Variants in DCC observed in about 807,000 individuals in gnomAD.
DCC encodes DCC netrin 1 receptor.
Under a neutral mutation model 172.5 loss-of-function variants are expected in DCC, and 58 were observed. The ratio of observed to expected loss-of-function variants is 0.34; its 90% CI spans 0.27 to 0.42. The LOEUF is 0.42. Among genes scored for constraint, DCC ranks in the 10% least tolerant of loss-of-function variants. DCC has a pLI of 1.00. For missense variants in DCC, 1,740 were observed against 1,791.0 expected (o/e 0.97, Z 0.51); for synonymous variants, 709 against 644.5 (o/e 1.10, Z -1.52).
Position 52,826,535 on chromosome 18 carries a change from C to T in DCC, c.412+74161C>T, listed in dbSNP as rs115201657. On this transcript the variant is annotated intron_variant, in intron 2 of 28. Coordinates refer to ENST00000442544, the MANE Select transcript of DCC (RefSeq NM_005215.4). ...CCCTTTGAAGGAAGGGGCTGGAGTGCAGTAGTGGGATCTCAGCTCACTGCA... is the reference window on the plus strand; with the variant it reads ...CCCTTTGAAGGAAGGGGCTGGAGTGTAGTAGTGGGATCTCAGCTCACTGCA... 3.4e-3 allele frequency among the ~76,000 whole-genome samples: 516 copies of T among 152,096 alleles called. 1 individual carries two copies. The highest frequency in any genetic ancestry group is 0.011 in the African/African-American group (465 of 41,480).
intron 1 of DCC, among the ~76,000 whole-genome samples, chr18:52,550,046 A>G (rs987782106): frequency 1.3e-5 from 2 of 152,054 alleles, no homozygotes; most frequent in Admixed American, 1.3e-4. Flanking sequence ...CCAAGTGTTC[A>G]AGGTGGATAT....
chr18:53,382,083 C>CAA (rs1907794902), intron 15 of DCC, among the ~76,000 whole-genome samples: 1 of 115,666 alleles, frequency 8.6e-6, no homozygotes, highest in Non-Finnish European at 2.2e-5. Flanking sequence ...CACACACACA[C>CAA]ACACACACAC....
chr18:53,240,041 A>AC (rs1459853977), intron 12 of DCC, among the ~76,000 whole-genome samples: 3 of 141,270 alleles, frequency 2.1e-5, no homozygotes, highest in South Asian at 2.5e-4. Context: ...AAAAAAAAAA[A>AC]AAAAAAAAAC....
intron 1 of DCC, among the ~76,000 whole-genome samples, chr18:52,610,176 AAAATATATATATATATATATAT>A (rs1176519103): frequency 0.011 from 140 of 12,420 alleles, 2 homozygotes; most frequent in South Asian, 0.028. Flanking sequence ...AAAAAAAAAA[AAAATATATATATATATATATAT>A]ATATATATAT....
chr18:52,375,019 C>T (rs914410428), intron 1 of DCC, among the ~76,000 whole-genome samples: 9 of 152,224 alleles, frequency 5.9e-5, no homozygotes, highest in Admixed American at 2.0e-4. Flanking sequence ...CTCGATTTAA[C>T]AATCTGATAC....
At chr18:53,099,186 C>T (rs561209871) in intron 7 of DCC, among the ~76,000 whole-genome samples, 1 of 152,098 alleles carries the variant, frequency 6.6e-6, no homozygotes, top group African/African-American at 2.4e-5. Context: ...TCCTATAGTT[C>T]CTTCCATTTG....
intron 7 of DCC, among the ~76,000 whole-genome samples, chr18:53,094,191 G>A (rs1380281607): frequency 6.6e-6 from 1 of 152,128 alleles, no homozygotes; most frequent in Non-Finnish European, 1.5e-5. Context: ...ATCCATTTGT[G>A]TTATATGATG....
intron 5 of DCC, among the ~76,000 whole-genome samples, chr18:53,013,175 G>A (rs566084427): frequency 1.3e-5 from 2 of 152,190 alleles, no homozygotes; most frequent in African/African-American, 4.8e-5. Flanking sequence ...ATTCCTCGAG[G>A]ATCTAGAACC....
intron 23 of DCC, among the ~76,000 whole-genome samples, chr18:53,451,333 A>G (rs1236699632): frequency 6.6e-6 from 1 of 152,222 alleles, no homozygotes; most frequent in Non-Finnish European, 1.5e-5. Flanking sequence ...TTAAAATGGA[A>G]AAGTGATTTT....
At chr18:52,457,976 G>A (rs148287660) in intron 1 of DCC, among the ~76,000 whole-genome samples, 1 of 152,182 alleles carries the variant, frequency 6.6e-6, no homozygotes, top group East Asian at 1.9e-4. Flanking sequence ...GGTCTGTCCT[G>A]GCTCCAAAAG....
chr18:53,344,220 T>C (rs542690570), intron 15 of DCC, among the ~76,000 whole-genome samples: 1 of 152,176 alleles, frequency 6.6e-6, no homozygotes, highest in South Asian at 2.1e-4. Context: ...CTTTATAATG[T>C]ATACATCCAT....
chr18:53,363,451 A>T (rs1020102531), intron 15 of DCC, among the ~76,000 whole-genome samples: 1 of 152,216 alleles, frequency 6.6e-6, no homozygotes, highest in Non-Finnish European at 1.5e-5. Context: ...AAGATAATAT[A>T]TTCTTACAGT....
At chr18:53,219,460 C>T (rs1030893618) in intron 12 of DCC, among the ~76,000 whole-genome samples, 3 of 152,178 alleles carry the variant, frequency 2.0e-5, no homozygotes, top group South Asian at 4.1e-4. Context: ...ACTCCCCTTT[C>T]CCCCCAAAAC....
chr18:53,520,814 G>T (rs920739530), intron 27 of DCC, among the ~76,000 whole-genome samples: 1 of 152,026 alleles, frequency 6.6e-6, no homozygotes, highest in African/African-American at 2.4e-5. Flanking sequence ...GACCACGGTT[G>T]CCTAATTAGT....
intron 5 of DCC, among the ~76,000 whole-genome samples, chr18:52,977,270 G>C (rs1381931187): frequency 6.6e-6 from 1 of 152,052 alleles, no homozygotes; most frequent in Non-Finnish European, 1.5e-5. Flanking sequence ...CTAGAACAGT[G>C]GTCTTCAGTC....
chr18:53,475,404 G>A (rs917926734), intron 25 of DCC, among the ~76,000 whole-genome samples: 5 of 152,200 alleles, frequency 3.3e-5, no homozygotes, highest in African/African-American at 1.2e-4. Context: ...AGGAAAAAGT[G>A]GTTCCATGGA....
chr18:53,451,146 G>A (rs927465522), intron 23 of DCC, among the ~76,000 whole-genome samples: 4 of 152,170 alleles, frequency 2.6e-5, no homozygotes, highest in African/African-American at 9.7e-5. Flanking sequence ...CAATCCTGTT[G>A]GTGCTTAGTT....
intron 3 of DCC, among the ~76,000 whole-genome samples, chr18:52,918,120 G>A (rs1181543974): frequency 2.0e-5 from 3 of 152,018 alleles, no homozygotes; most frequent in African/African-American, 4.8e-5. Flanking sequence ...ATATCTTAGA[G>A]AATAAAATGG....
In DCC at chr18:53,250,560, C is replaced by T. The variant is rs1225854380; in HGVS notation, c.1911+34963C>T. ...ACAGGCAATATCTGCCCCTAGTCTCCTCCCCTTTCTTCCACAGGCTTCTGG... is the reference window on the plus strand; with the variant it reads ...ACAGGCAATATCTGCCCCTAGTCTCTTCCCCTTTCTTCCACAGGCTTCTGG... On this transcript the variant is annotated intron_variant, in intron 12 of 28. Coordinates refer to ENST00000442544, the MANE Select transcript of DCC (RefSeq NM_005215.4). 2.0e-5 allele frequency among the ~76,000 whole-genome samples: 3 copies of T among 151,890 alleles called. No homozygotes were observed. In the East Asian group the frequency reaches 5.8e-4, roughly 30 times the overall value.
Sources: allele counts gnomAD v4.1 joint callset (sites outside exome capture counted in the v4.1 genomes callset), GRCh38; gene constraint gnomAD v4.1.1; transcripts MANE v1.5; gene names NCBI Gene and HGNC (gene_info 2026-07-23, HGNC 2026-07-21).